Variants in HNRNPUL1 observed in about 807,000 individuals in gnomAD.
HNRNPUL1 encodes heterogeneous nuclear ribonucleoprotein U like 1, also known as heterogeneous nuclear ribonucleoprotein U-like protein 1.
A neutral mutation model predicts 108.5 loss-of-function variants in HNRNPUL1; 14 were observed. The ratio of observed to expected loss-of-function variants is 0.13; its 90% CI spans 0.09 to 0.20. HNRNPUL1 has a LOEUF of 0.20. HNRNPUL1 is among the 10% of genes least tolerant of loss of function. The pLI is 1.00. For missense variants in HNRNPUL1, 804 were observed against 1,168.3 expected (o/e 0.69, Z 4.55); for synonymous variants, 422 against 445.2 (o/e 0.95, Z 0.66).
rs2037315173 is a variant in HNRNPUL1, at chr19:41,302,870, C to T, written c.1893C>T (p.Asn631=). The change falls in exon 12 of 15, where the codon AAC becomes AAT. Residue 631 remains asparagine (N), a synonymous_variant. Transcript: ENST00000392006. The stretch of plus-strand genomic sequence containing the variant: ...GTGGTGGCTTCCAGCGCTATGAAAA[C>T]CGAGGACCCCCTGGAGGCAACCGTG... ...GGGGGFQRYE[N]RGPPGGNRGG... The T allele has an allele frequency of 2.6e-6, 4 of 1,565,106 alleles. No homozygotes were observed. Among genetic ancestry groups the T allele is most frequent in the Non-Finnish European group, 3.5e-6 (4 of 1,154,920 alleles).
chr19:41,292,175 G>C lies in HNRNPUL1; in HGVS notation c.1000-70G>C, dbSNP rs563533035. On this transcript the variant is annotated intron_variant, in intron 7 of 14. Transcript: ENST00000392006. The surrounding 1 kb of genome is among the most constrained non-coding windows in gnomAD (Gnocchi z 4.1). ...CCACATTCTACTCCCTGCATCTACT[G>C]TCCTCACATTTGACTCCCAGTGCCT... 2.4e-5 allele frequency: 36 copies of C among 1,507,094 alleles called. No homozygotes were observed. In the South Asian group the frequency reaches 4.2e-4, roughly 17 times the overall value. 93.4% of individuals were successfully genotyped at this position (1,507,094 alleles called of 1,614,324 possible).
Position 41,292,428 on chromosome 19 carries a change from C to T in HNRNPUL1, c.1183C>T (p.Pro395Ser). The T allele has an allele frequency of 3.7e-6, 6 of 1,614,118 alleles. No individual in the cohort carries two copies. The highest frequency in any genetic ancestry group is 5.1e-6 in the Non-Finnish European group (6 of 1,180,018). Residue 395 changes from proline to serine, a missense_variant, in exon 8 of 15, where the codon CCG becomes TCG. By Grantham distance (74) the Pro-to-Ser change is moderately conservative (BLOSUM62 -1). Transcript: ENST00000392006. This position sits in a 1 kb window ranked among gnomAD's most constrained non-coding sequence, Gnocchi z 4.1. The part of the protein sequence containing the change: ...QRAEPYCSVL[P>S]GFTFIQHLPL... ...AGCAGAGCCCTACTGTTCTGTCCTCCCGGGGTTTACCTTCATCCAGCACCT... is the reference window on the plus strand; with the variant it reads ...AGCAGAGCCCTACTGTTCTGTCCTCTCGGGGTTTACCTTCATCCAGCACCT...
At chr19:41,290,133 T>G (rs922282999) in intron 7 of HNRNPUL1, among the ~76,000 whole-genome samples, 12 of 152,136 alleles carry the variant, frequency 7.9e-5, no homozygotes, top group Non-Finnish European at 1.6e-4. Context: ...GGGAGGGTGC[T>G]TCTGTCGCTT....
intron 12 of HNRNPUL1, 37 bp from the exon 13 acceptor site, chr19:41,303,935 A>T (rs1157020477): frequency 6.3e-7 from 1 of 1,575,794 alleles, no homozygotes; most frequent in Middle Eastern, 1.7e-4. Flanking sequence ...GCCATTTGGG[A>T]ATGATGGCGC....
chr19:41,264,291 C>T (rs770028785), upstream of HNRNPUL1: 2 of 412,944 alleles, frequency 4.8e-6, no homozygotes, highest in Non-Finnish European at 4.2e-6. Flanking sequence ...GGCCCGCGCC[C>T]GTTGCCCCAC....
chr19:41,291,987 A>C (rs1325884515), intron 7 of HNRNPUL1: 22 of 447,004 alleles, frequency 4.9e-5, no homozygotes, highest in South Asian at 3.6e-4. Context: ...CTCAAAAAAA[A>C]AAAAAACAAA....
Position 41,302,935 on chromosome 19 carries a change from G to T in HNRNPUL1, c.1958G>T (p.Gly653Val), listed in dbSNP as rs750444487. Reference sequence around the variant, plus strand: ...CGAGGGGGAGGCAGCGGTGGAGGAGGCAACTACCGAGGAGGTGAGACATCT... The same window carrying T: ...CGAGGGGGAGGCAGCGGTGGAGGAGTCAACTACCGAGGAGGTGAGACATCT... ...QNRGGGSGGG[G>V]NYRGGFNRSG... Residue 653 changes from glycine (G) to valine (V), a missense_variant, in exon 12 of 15, where the codon GGC becomes GTC. Physicochemically the swap from Gly to Val is moderately radical, Grantham distance 109 (BLOSUM62 -3). This residue lies in a region of HNRNPUL1 where 294 missense variants were observed against 388.3 expected (regional missense o/e 0.76). Transcript: ENST00000392006. 3.3e-6 allele frequency: 5 copies of T among 1,526,830 alleles called. No individual in the cohort carries two copies. The African/African-American group carries it at 5.6e-5, about 17-fold the overall frequency. The allele number at this position is 1,526,830 out of a possible 1,614,324, so 94.6% of individuals were successfully genotyped here.
chr19:41,282,136 CCTTCCTTCATATTTGTACACATGTACT>C (rs1334761217), intron 7 of HNRNPUL1, among the ~76,000 whole-genome samples: 1 of 151,956 alleles, frequency 6.6e-6, no homozygotes, highest in Non-Finnish European at 1.5e-5. Flanking sequence ...TATTCTTTTG[CCTTCCTTCATATTTGTACACATGTACT>C]CTTCCTTCTT....
intron 3 of HNRNPUL1, among the ~76,000 whole-genome samples, chr19:41,273,311 G>T (rs1599774589): frequency 6.6e-6 from 1 of 152,224 alleles, no homozygotes; most frequent in East Asian, 1.9e-4. Context: ...AATGGGCATG[G>T]GCTCCCCATC....
chr19:41,300,725 G>A (rs937498649), intron 10 of HNRNPUL1, among the ~76,000 whole-genome samples: 1 of 152,148 alleles, frequency 6.6e-6, no homozygotes, highest in Non-Finnish European at 1.5e-5. Flanking sequence ...CTAGAGCACC[G>A]CTCTGCCAGC....
At chr19:41,291,947 C>A in intron 7 of HNRNPUL1, 1 of 350,208 alleles carries the variant, frequency 2.9e-6, no homozygotes, top group Non-Finnish European at 5.3e-6. Flanking sequence ...TGCCACTGCA[C>A]TCAGCCTGGG....
intron 7 of HNRNPUL1, among the ~76,000 whole-genome samples, chr19:41,282,919 C>T (rs1314300977): frequency 6.6e-6 from 1 of 151,634 alleles, no homozygotes; most frequent in African/African-American, 2.4e-5. Context: ...TGGTCTCGAT[C>T]TCCTGACCTC....
rs188950491 is a variant in HNRNPUL1, at chr19:41,272,359, T to A, written c.572+124T>A. ...GTAAAGATTCCCTCTGCTTTCACAC[T>A]CTTCCTGTCCCTTCCCGTACTTGCT... On this transcript the variant is annotated intron_variant, in intron 3 of 14. Coordinates refer to ENST00000392006, the MANE Select transcript of HNRNPUL1 (RefSeq NM_007040.6). 56 of 1,013,114 alleles carry A rather than the reference T, an allele frequency of 5.5e-5. No individual in the cohort carries two copies. In the African/African-American group the frequency reaches 8.5e-4, roughly 15 times the overall value. 62.8% of individuals were successfully genotyped at this position (1,013,114 alleles called of 1,614,324 possible).
In HNRNPUL1 at chr19:41,304,028, C is replaced by T. The variant is rs777868800; in HGVS notation, c.2029C>T (p.Arg677Trp). The T allele has an allele frequency of 1.1e-5, 17 of 1,613,898 alleles. No homozygotes were observed. The highest frequency in any genetic ancestry group is 2.2e-5 in the East Asian group (1 of 44,890). ...YSQNRWGNNN[R>W]DNNNSNNRGS... ...CCAGAACCGCTGGGGTAACAACAAC[C>T]GGGATAACAACAACTCCAACAACAG... The change falls in exon 13 of 15, where the codon CGG becomes TGG. Residue 677 changes from arginine (R) to tryptophan (W), a missense_variant. Transcript: ENST00000392006.
intron 14 of HNRNPUL1, 53 bp downstream of exon 14, chr19:41,305,920 C>T: frequency 1.6e-6 from 2 of 1,236,958 alleles, no homozygotes; most frequent in East Asian, 2.4e-5. Context: ...TGGGCCCCTC[C>T]TGGGTGTGTA....
chr19:41,265,333 C>G, intron 1 of HNRNPUL1: 1 of 1,480,956 alleles, frequency 6.8e-7, no homozygotes, highest in Non-Finnish European at 9.0e-7. Context: ...CCTGGGCGTT[C>G]TCCTATTTGG....
Position 41,307,109 on chromosome 19 carries a change from G to A in HNRNPUL1, c.*544G>A, listed in dbSNP as rs960507255. On this transcript the variant is annotated 3_prime_UTR_variant, in exon 15 of 15. Transcript: ENST00000392006. ...AGTGACTTTTTTTTGGTAATTATGC[G>A]CTTTTTTTTAATTTTTAGAATTTGT... is the stretch of plus-strand genomic sequence containing the variant. 1.3e-5 allele frequency: 2 copies of A among 151,790 alleles called. No homozygotes were observed. The highest frequency in any genetic ancestry group is 1.9e-4 in the East Asian group (1 of 5,178). 9.4% of individuals were successfully genotyped at this position (151,790 alleles called of 1,614,324 possible). A position where few individuals can be genotyped will look rare whatever the true frequency, so the allele number is the denominator to read the frequency against.
Position 41,292,428 on chromosome 19 carries a change from C to G in HNRNPUL1, c.1183C>G (p.Pro395Ala). 1.2e-6 allele frequency: 2 copies of G among 1,614,118 alleles called. No individual in the cohort carries two copies. Among genetic ancestry groups the G allele is most frequent in the Non-Finnish European group, 1.7e-6 (2 of 1,180,018 alleles). ...AGCAGAGCCCTACTGTTCTGTCCTC[C>G]CGGGGTTTACCTTCATCCAGCACCT... The part of the protein sequence containing the change: ...QRAEPYCSVL[P>A]GFTFIQHLPL... The change falls in exon 8 of 15, where the codon CCG (proline) becomes GCG (alanine). Residue 395 changes from proline to alanine, a missense_variant. Coordinates refer to ENST00000392006, the MANE Select transcript of HNRNPUL1 (RefSeq NM_007040.6). This position sits in a 1 kb window ranked among gnomAD's most constrained non-coding sequence, Gnocchi z 4.1.
intron 6 of HNRNPUL1, among the ~76,000 whole-genome samples, chr19:41,279,764 G>T (rs929319611): frequency 2.6e-5 from 4 of 152,252 alleles, no homozygotes; most frequent in Non-Finnish European, 4.4e-5. Context: ...TATGTGTTGC[G>T]TATAAGAATT....
Sources: gnomAD v4.1 joint callset for allele counts (sites outside exome capture counted in the v4.1 genomes callset) on GRCh38, gnomAD v4.1.1 for gene constraint, gnomAD v4.1.1 regional missense constraint, Gnocchi (gnomAD v3.1) non-coding constraint, MANE v1.5 for transcripts, NCBI Gene and HGNC (gene_info 2026-07-23, HGNC 2026-07-21) for gene names.